Variants in BRINP2 observed in about 807,000 individuals in gnomAD.
BRINP2 encodes the protein BMP/retinoic acid-inducible neural-specific protein 2.
In BRINP2, 21 loss-of-function variants were observed where a neutral mutation model predicts 69.2. The observed-to-expected ratio is 0.30, with a 90% CI of 0.22 to 0.44. The LOEUF (loss-of-function observed/expected upper bound fraction) is 0.44. Among genes scored for constraint, BRINP2 ranks in the 20% least tolerant of loss-of-function variants. The pLI is 1.00. For synonymous variants in BRINP2, 380 were observed against 394.1 expected (o/e 0.96, Z 0.42); for missense variants, 877 against 986.0 (o/e 0.89, Z 1.48).
At chr1:177,186,999 T>G (rs532465964) in intron 1 of BRINP2, among the ~76,000 whole-genome samples, 36 of 152,280 alleles carry the variant, frequency 2.4e-4, no homozygotes, top group African/African-American at 8.7e-4. Flanking sequence ...GTCAGATCTG[T>G]CTGACCCAAA....
At chr1:177,265,562 A>G (rs1241208398) in intron 4 of BRINP2, among the ~76,000 whole-genome samples, 4 of 152,090 alleles carry the variant, frequency 2.6e-5, no homozygotes, top group Admixed American at 2.6e-4. Context: ...ATCATATCAT[A>G]TTGTATCATA....
intron 1 of BRINP2, among the ~76,000 whole-genome samples, chr1:177,185,140 T>G (rs1264340687): frequency 6.6e-6 from 1 of 151,598 alleles, no homozygotes; most frequent in African/African-American, 2.4e-5. Context: ...GTTGTCATGT[T>G]GGAAAAAAAA....
At chr1:177,173,440 C>T (rs773483917) in intron 1 of BRINP2, among the ~76,000 whole-genome samples, 9 of 152,204 alleles carry the variant, frequency 5.9e-5, no homozygotes, top group Non-Finnish European at 8.8e-5. Flanking sequence ...AAGACAGGAG[C>T]ATTCTTGACT....
chr1:177,222,242 A>G (rs1279420503), intron 1 of BRINP2, among the ~76,000 whole-genome samples: 1 of 151,018 alleles, frequency 6.6e-6, no homozygotes, highest in Non-Finnish European at 1.5e-5. Flanking sequence ...AGTGCTAATA[A>G]CCCCTGTTGG....
intron 1 of BRINP2, among the ~76,000 whole-genome samples, chr1:177,172,275 TC>T (rs1647959334): frequency 6.6e-6 from 1 of 152,162 alleles, no homozygotes; most frequent in African/African-American, 2.4e-5. Flanking sequence ...GCAAATAGTC[TC>T]CCCAGGGTGG....
Position 177,221,797 on chromosome 1 carries a change from C to T in BRINP2, c.-76-8004C>T, listed in dbSNP as rs144573417. 6.1e-3 allele frequency among the ~76,000 whole-genome samples: 933 copies of T among 152,260 alleles called. 12 individuals are homozygous for T. The highest frequency in any genetic ancestry group is 0.021 in the African/African-American group (857 of 41,530). On this transcript the variant is annotated intron_variant, in intron 1 of 7. Transcript: ENST00000361539. ...AGGACACGATCAGGTGGAAATTAACCAGGGAACAGAGGCTGTAGGAAGCCA... is the reference window on the plus strand; with the variant it reads ...AGGACACGATCAGGTGGAAATTAACTAGGGAACAGAGGCTGTAGGAAGCCA...
intron 1 of BRINP2, among the ~76,000 whole-genome samples, chr1:177,190,071 A>C (rs1648542239): frequency 6.6e-6 from 1 of 152,084 alleles, no homozygotes; most frequent in African/African-American, 2.4e-5. Flanking sequence ...GGCCTGATAA[A>C]ATTCAAGCTT....
chr1:177,190,039 G>A, intron 1 of BRINP2, among the ~76,000 whole-genome samples: 1 of 152,066 alleles, frequency 6.6e-6, no homozygotes, highest in Middle Eastern at 3.2e-3. Flanking sequence ...CTCCTTTCTG[G>A]AACTCAGTTA....
chr1:177,268,446 G>T (rs539005318), intron 4 of BRINP2, among the ~76,000 whole-genome samples: 3 of 152,164 alleles, frequency 2.0e-5, no homozygotes, highest in Non-Finnish European at 2.9e-5. Flanking sequence ...TGCCTTGGTG[G>T]AGGAAAAGTT....
At chr1:177,219,090 C>T (rs1392332317) in intron 1 of BRINP2, among the ~76,000 whole-genome samples, 1 of 152,188 alleles carries the variant, frequency 6.6e-6, no homozygotes, top group Non-Finnish European at 1.5e-5. Context: ...ACAGCTTGCT[C>T]CCCATCAGTA....
chr1:177,210,305 G>C (rs979977114), intron 1 of BRINP2, among the ~76,000 whole-genome samples: 1 of 152,158 alleles, frequency 6.6e-6, no homozygotes, highest in Non-Finnish European at 1.5e-5. Flanking sequence ...CATGGTTCAA[G>C]AGAGTTTAAC....
chr1:177,224,171 C>A (rs1328370088), intron 1 of BRINP2, among the ~76,000 whole-genome samples: 1 of 152,126 alleles, frequency 6.6e-6, no homozygotes, highest in African/African-American at 2.4e-5. Context: ...ATGACAAGAA[C>A]AAATAACAAT....
Position 177,171,427 on chromosome 1 carries a change from G to T in BRINP2, c.-382G>T. 6.4e-6 allele frequency: 1 copy of T among 157,296 alleles called. No individual in the cohort carries two copies. Among genetic ancestry groups the T allele is most frequent in the Non-Finnish European group, 1.4e-5 (1 of 71,230 alleles). The allele number at this position is 157,296 out of a possible 1,614,324, so 9.7% of individuals were successfully genotyped here. On this transcript the variant is annotated 5_prime_UTR_variant, in exon 1 of 8. Transcript: ENST00000361539. ...AGACCGGGATCCTGGCTGCTCAGCG[G>T]GAAGGCAGCAGGCAAGTGGTCTAAC... is the stretch of plus-strand genomic sequence containing the variant.
chr1:177,202,385 G>T (rs962163359), intron 1 of BRINP2, among the ~76,000 whole-genome samples: 4 of 152,184 alleles, frequency 2.6e-5, no homozygotes, highest in Non-Finnish European at 5.9e-5. Flanking sequence ...GTGTCCCAGA[G>T]ATTCTGGTAT....
chr1:177,266,119 C>T (rs1651109175), intron 4 of BRINP2, among the ~76,000 whole-genome samples: 1 of 117,358 alleles, frequency 8.5e-6, no homozygotes, highest in East Asian at 2.3e-4. Flanking sequence ...GACTCCATCT[C>T]AAAATAATAA....
intron 2 of BRINP2, among the ~76,000 whole-genome samples, chr1:177,242,799 C>T (rs752367524): frequency 7.9e-5 from 12 of 152,160 alleles, no homozygotes; most frequent in Non-Finnish European, 1.8e-4. Flanking sequence ...GAGGATGAAA[C>T]CATTCAGTAG....
At chr1:177,274,852 C>T (rs1417675012) in intron 5 of BRINP2, among the ~76,000 whole-genome samples, 1 of 152,108 alleles carries the variant, frequency 6.6e-6, no homozygotes, top group South Asian at 2.1e-4. Context: ...AATTTAGGGG[C>T]AGTACAGAAT....
Position 177,281,064 on chromosome 1 carries a change from A to G in BRINP2, c.1888A>G (p.Thr630Ala). Residue 630 changes from threonine (T) to alanine (A), a missense_variant, in exon 8 of 8, where the codon ACC becomes GCC. This residue lies in a region of BRINP2 where 225 missense variants were observed against 218.7 expected (regional missense o/e 1.03). Coordinates refer to ENST00000361539, the MANE Select transcript of BRINP2 (RefSeq NM_021165.4). ...TGCCCAGTGCCAAAACTGGACTATCACCTTGGGGAATAGGTGGAAGACTTT... is the reference window on the plus strand; with the variant it reads ...TGCCCAGTGCCAAAACTGGACTATCGCCTTGGGGAATAGGTGGAAGACTTT... ...AAAQCQNWTI[T>A]LGNRWKTFFE... The G allele has an allele frequency of 6.2e-7, 1 of 1,614,074 alleles. No homozygotes were observed. Among genetic ancestry groups the G allele is most frequent in the Non-Finnish European group, 8.5e-7 (1 of 1,180,016 alleles).
chr1:177,237,004 G>T (rs1355918056), intron 2 of BRINP2, among the ~76,000 whole-genome samples: 1 of 151,918 alleles, frequency 6.6e-6, no homozygotes, highest in South Asian at 2.1e-4. Context: ...ATCACTGCAT[G>T]TGTAGAGAAA....
Sources: gnomAD v4.1 joint callset for allele counts (sites outside exome capture counted in the v4.1 genomes callset) on GRCh38, gnomAD v4.1.1 for gene constraint, gnomAD v4.1.1 regional missense constraint, MANE v1.5 for transcripts, NCBI Gene and HGNC (gene_info 2026-07-23, HGNC 2026-07-21) for gene names.